The following IMMP1L variants were observed in gnomAD, a reference collection of about 807,000 sequenced individuals.
The protein encoded by IMMP1L is inner mitochondrial membrane peptidase subunit 1, also known as mitochondrial inner membrane protease subunit 1.
A neutral mutation model predicts 21.8 loss-of-function variants in IMMP1L; 24 were observed. The ratio of observed to expected loss-of-function variants is 1.10; its 90% confidence interval spans 0.80 to 1.55. The LOEUF is 1.55. Ranked by LOEUF, IMMP1L falls within the 40% of genes most tolerant of loss-of-function variation. IMMP1L has a pLI of 0.00. For synonymous variants in IMMP1L, 46 were observed against 62.8 expected (o/e 0.73, Z 1.26); for missense variants, 195 against 200.7 (o/e 0.97, Z 0.17).
chr11:31,456,118 C>T, intron 4 of IMMP1L, 142 bp downstream of exon 4: 1 of 510,842 alleles, frequency 2.0e-6, no homozygotes, highest in Non-Finnish European at 3.3e-6. Context: ...CTGAATTGTT[C>T]TTGATATAAA....
intron 1 of IMMP1L, among the ~76,000 whole-genome samples, chr11:31,492,676 T>C (rs1324226415): frequency 6.6e-6 from 1 of 152,190 alleles, no homozygotes; most frequent in Admixed American, 6.5e-5. Flanking sequence ...GTATGGTTAA[T>C]TTTCCTAATT....
chr11:31,434,307 C>A (rs565765469), intron 4 of IMMP1L, among the ~76,000 whole-genome samples: 1 of 152,170 alleles, frequency 6.6e-6, no homozygotes, highest in Admixed American at 6.5e-5. Flanking sequence ...CAATCATAAG[C>A]ATATTTAGAA....
intron 1 of IMMP1L, among the ~76,000 whole-genome samples, chr11:31,500,437 A>G (rs1955581376): frequency 6.6e-6 from 1 of 152,218 alleles, no homozygotes; most frequent in Non-Finnish European, 1.5e-5. Context: ...GAGTTTAAAC[A>G]TAAAATATAT....
intron 1 of IMMP1L, among the ~76,000 whole-genome samples, chr11:31,500,957 T>G (rs1318411059): frequency 6.6e-6 from 1 of 152,254 alleles, no homozygotes; most frequent in African/African-American, 2.4e-5. Context: ...TAAAGCTGTG[T>G]GATTTAATAT....
chr11:31,444,751 G>A (rs1953458862), intron 4 of IMMP1L, among the ~76,000 whole-genome samples: 1 of 151,936 alleles, frequency 6.6e-6, no homozygotes, highest in African/African-American at 2.4e-5. Flanking sequence ...CACCACGCCT[G>A]GCTAATTTTT....
chr11:31,463,261 G>T lies in IMMP1L; in HGVS notation c.16C>A (p.Leu6Met), dbSNP rs1159400962. The T allele has an allele frequency of 6.2e-7, 1 of 1,612,006 alleles. No individual in the cohort carries two copies. The highest frequency in any genetic ancestry group is 1.1e-5 in the South Asian group (1 of 90,676). ...CCAACAAGTCGAAAGGTTTTCCCCA[G>T]AACACCACGAAGCATAGTTCTATGT... MLRGVLGKTFRLVGYT... is the reference protein window; with the variant it reads MLRGVMGKTFRLVGYT... Residue 6 changes from leucine (L) to methionine (M), a missense_variant, in exon 2 of 6, where the codon CTG (leucine) becomes ATG (methionine). Physicochemically the swap from Leu to Met is conservative, Grantham distance 15. Transcript: ENST00000532287.
intron 1 of IMMP1L, among the ~76,000 whole-genome samples, chr11:31,467,819 TC>T (rs1954412266): frequency 6.6e-6 from 1 of 151,816 alleles, no homozygotes; most frequent in Admixed American, 6.6e-5. Context: ...AAGGTATCTT[TC>T]CAATGGGAAG....
chr11:31,461,310 GC>G (rs1264973930), intron 2 of IMMP1L, among the ~76,000 whole-genome samples: 1 of 152,044 alleles, frequency 6.6e-6, no homozygotes, highest in African/African-American at 2.4e-5. Flanking sequence ...GATTTTCATG[GC>G]CAGGCATGGT....
chr11:31,463,392 C>A (rs1460312898), intron 1 of IMMP1L, 87 bp from the exon 2 acceptor site: 2 of 1,227,580 alleles, frequency 1.6e-6, no homozygotes, highest in Non-Finnish European at 2.1e-6. Flanking sequence ...TACAATCACC[C>A]AAAATGTACT....
At chr11:31,441,178 C>T (rs940092227) in intron 4 of IMMP1L, among the ~76,000 whole-genome samples, 2 of 151,930 alleles carry the variant, frequency 1.3e-5, no homozygotes, top group African/African-American at 4.8e-5. Context: ...TATATATACA[C>T]AGAAATATAT....
At chr11:31,497,319 TAAC>T (rs554470842) in intron 1 of IMMP1L, among the ~76,000 whole-genome samples, 7 of 152,066 alleles carry the variant, frequency 4.6e-5, no homozygotes, top group Non-Finnish European at 8.8e-5. Flanking sequence ...ATGCAAATAT[TAAC>T]AAGAATATAG....
intron 1 of IMMP1L, among the ~76,000 whole-genome samples, chr11:31,469,109 A>C (rs1328159362): frequency 6.6e-6 from 1 of 152,168 alleles, no homozygotes; most frequent in Non-Finnish European, 1.5e-5. Context: ...TCTTCTTTGA[A>C]AAATATCTAC....
intron 1 of IMMP1L, among the ~76,000 whole-genome samples, chr11:31,498,851 T>G (rs1416863806): frequency 6.6e-6 from 1 of 152,204 alleles, no homozygotes; most frequent in African/African-American, 2.4e-5. Flanking sequence ...ATATAAAGCA[T>G]TCACAACATT....
chr11:31,492,258 G>A (rs1024918836), intron 1 of IMMP1L, among the ~76,000 whole-genome samples: 1 of 152,026 alleles, frequency 6.6e-6, no homozygotes, highest in African/African-American at 2.4e-5. Flanking sequence ...TTTATGTTAT[G>A]GCTTCTCTCC....
intron 1 of IMMP1L, among the ~76,000 whole-genome samples, chr11:31,471,193 G>A (rs1032346372): frequency 6.6e-6 from 1 of 152,152 alleles, no homozygotes; most frequent in Non-Finnish European, 1.5e-5. Flanking sequence ...ATTATACACT[G>A]TACATATGTA....
intron 4 of IMMP1L, among the ~76,000 whole-genome samples, chr11:31,451,928 A>G (rs527566967): frequency 6.6e-6 from 1 of 152,360 alleles, no homozygotes; most frequent in East Asian, 1.9e-4. Context: ...AAAAACCTAG[A>G]AAAAGCAGTG....
chr11:31,455,523 T>C (rs1368762312), intron 4 of IMMP1L, among the ~76,000 whole-genome samples: 1 of 152,174 alleles, frequency 6.6e-6, no homozygotes, highest in Non-Finnish European at 1.5e-5. Context: ...AAGGTGGTTG[T>C]ATACAATTTC....
At chr11:31,456,796 GATTGCTTGAAGC>G (rs1481762928) in intron 3 of IMMP1L, among the ~76,000 whole-genome samples, 1 of 135,970 alleles carries the variant, frequency 7.4e-6, no homozygotes, top group Non-Finnish European at 1.5e-5. Context: ...ACGGCAAGAG[GATTGCTTGAAGC>G]CAGGAGTTCA....
chr11:31,452,671 TG>T lies in IMMP1L; in HGVS notation c.321+3588del, dbSNP rs1358498712. 99 of 989,086 alleles carry T rather than the reference TG, an allele frequency of 1.0e-4. No homozygotes were observed. The African/African-American group carries it at 1.7e-3, about 17-fold the overall frequency. 61.3% of individuals were successfully genotyped at this position (989,086 alleles called of 1,614,324 possible). A position where few individuals can be genotyped will look rare whatever the true frequency, so the allele number is the denominator to read the frequency against. On this transcript the variant is annotated intron_variant, in intron 4 of 5. Coordinates refer to ENST00000532287, the MANE Select transcript of IMMP1L (RefSeq NM_001304274.2). ...AATCTCATATCTTTACAGTAGCCAA[TG>T]CTCAGTTCATACATAACCCCAGGAA...
Sources: gnomAD v4.1 joint callset for allele counts (sites outside exome capture counted in the v4.1 genomes callset) on GRCh38, gnomAD v4.1.1 for gene constraint, MANE v1.5 for transcripts, NCBI Gene and HGNC (gene_info 2026-07-23, HGNC 2026-07-21) for gene names.